RAB3GAP2: variants seen among roughly 807,000 people sequenced by gnomAD.
RAB3GAP2 encodes the protein rab3 GTPase-activating protein non-catalytic subunit.
In RAB3GAP2, 87 loss-of-function variants were observed where a neutral mutation model predicts 185.3. That is an observed-to-expected ratio of 0.47 (90% confidence interval 0.39 to 0.56). The LOEUF (loss-of-function observed/expected upper bound fraction) is 0.56. Among genes scored for constraint, RAB3GAP2 ranks in the 20% least tolerant of loss-of-function variants. The probability of loss-of-function intolerance (pLI) is 0.00; values close to 1 mark genes in which losing one functional copy is unlikely to be tolerated. For missense variants in RAB3GAP2, 1,492 were observed against 1,638.2 expected (o/e 0.91, Z 1.54); for synonymous variants, 554 against 576.1 (o/e 0.96, Z 0.55).
chr1:220,214,975 T>TATATATAC lies in RAB3GAP2; in HGVS notation c.181-997_181-996insGTATATAT, dbSNP rs1360144410. The stretch of plus-strand genomic sequence containing the variant: ...ATATATATATATATATATATATATA[T>TATATATAC]ACTTCTATACTTTGCTTTTTTCTCT... On this transcript the variant is annotated intron_variant, in intron 2 of 34. Coordinates refer to ENST00000358951, the MANE Select transcript of RAB3GAP2 (RefSeq NM_012414.4). Among the ~76,000 whole-genome samples the TATATATAC allele has an allele frequency of 2.1e-5, 3 of 144,810 alleles. No individual in the cohort carries two copies. The Admixed American group carries it at 2.1e-4, about 10-fold the overall frequency.
At chr1:220,257,988 T>A (rs1660061797) in intron 1 of RAB3GAP2, among the ~76,000 whole-genome samples, 1 of 151,404 alleles carries the variant, frequency 6.6e-6, no homozygotes, top group Non-Finnish European at 1.5e-5. Flanking sequence ...AGGTAGAAAA[T>A]CTATAAAAAA....
chr1:220,249,412 C>T (rs962819513), intron 1 of RAB3GAP2, among the ~76,000 whole-genome samples: 7 of 152,092 alleles, frequency 4.6e-5, no homozygotes, highest in African/African-American at 1.7e-4. Context: ...TTGCCCCTGC[C>T]CTAGAGGTTG....
rs771042152 is a variant in RAB3GAP2, at chr1:220,190,479, A to T, written c.1529T>A (p.Val510Asp). The change falls in exon 15 of 35, where the codon GTT becomes GAT. Residue 510 changes from valine to aspartate, a missense_variant. This residue lies in a region of RAB3GAP2 where 681 missense variants were observed against 689.1 expected (regional missense o/e 0.99). Transcript: ENST00000358951. ...CTGTGGCTGCCAACTCTGACTGGTA[A>T]CATTATTTAAACCCATTATTTTATA... is the stretch of plus-strand genomic sequence containing the variant. ...PGYKIMGLNNVTSQSWQPQTY... is the reference protein window; with the variant it reads ...PGYKIMGLNNDTSQSWQPQTY... The T allele has an allele frequency of 5.6e-6, 9 of 1,608,262 alleles. No homozygotes were observed. The South Asian group carries it at 7.7e-5, about 14-fold the overall frequency.
chr1:220,248,253 TCA>T (rs1659856581), intron 1 of RAB3GAP2, among the ~76,000 whole-genome samples: 1 of 152,174 alleles, frequency 6.6e-6, no homozygotes. Context: ...GTAAAAGTTT[TCA>T]GTTACAAGAT....
rs1052278079 is a variant in RAB3GAP2, at chr1:220,148,949, G to A, written c.*2302C>T. ...TGCATATTTAATGTTTGTTAATGAAGAAAGTTGTGTGAGGGTGGGCATATA... is the reference window on the plus strand; with the variant it reads ...TGCATATTTAATGTTTGTTAATGAAAAAAGTTGTGTGAGGGTGGGCATATA... On this transcript the variant is annotated 3_prime_UTR_variant, in exon 35 of 35. Coordinates refer to ENST00000358951, the MANE Select transcript of RAB3GAP2 (RefSeq NM_012414.4). 1.3e-5 allele frequency: 2 copies of A among 152,102 alleles called. No individual in the cohort carries two copies. Among genetic ancestry groups the A allele is most frequent in the Admixed American group, 6.5e-5 (1 of 15,270 alleles). The allele number at this position is 152,102 out of a possible 1,614,324, so 9.4% of individuals were successfully genotyped here.
chr1:220,214,077 A>G, intron 2 of RAB3GAP2, 98 bp from the exon 3 acceptor site: 2 of 1,199,300 alleles, frequency 1.7e-6, no homozygotes, highest in Non-Finnish European at 2.4e-6. Flanking sequence ...AAAAAAAAGA[A>G]AAGGAAATAT....
In RAB3GAP2 at chr1:220,253,700, T is replaced by C. The variant is rs1041814857; in HGVS notation, c.115+18523A>G. 1.9e-5 allele frequency: 30 copies of C among 1,608,772 alleles called. No individual in the cohort carries two copies. In the African/African-American group the frequency reaches 2.1e-4, roughly 11 times the overall value. ...AAGGACAAACAAGTGAAATACTTCATACATTACAGTGGTTGGAATAAAAAT... is the reference window on the plus strand; with the variant it reads ...AAGGACAAACAAGTGAAATACTTCACACATTACAGTGGTTGGAATAAAAAT... On this transcript the variant is annotated intron_variant, in intron 1 of 34. Transcript: ENST00000358951.
At chr1:220,200,923 C>A (rs1383384745) in intron 9 of RAB3GAP2, among the ~76,000 whole-genome samples, 1 of 152,122 alleles carries the variant, frequency 6.6e-6, no homozygotes. Context: ...GGCATTCTAG[C>A]CCACATGCAC....
intron 1 of RAB3GAP2, among the ~76,000 whole-genome samples, chr1:220,256,467 G>A (rs984871347): frequency 2.6e-5 from 4 of 152,086 alleles, no homozygotes; most frequent in Non-Finnish European, 5.9e-5. Context: ...ATGTCAAGCT[G>A]GATAAAGACG....
At chr1:220,195,669 A>G (rs146501179) in intron 10 of RAB3GAP2, among the ~76,000 whole-genome samples, 309 of 152,308 alleles carry the variant, frequency 2.0e-3, no homozygotes, top group African/African-American at 6.7e-3. Flanking sequence ...AGATTACATT[A>G]TTCTAGCTGG....
At chr1:220,269,949 C>T (rs966659225) in intron 1 of RAB3GAP2, among the ~76,000 whole-genome samples, 3 of 152,132 alleles carry the variant, frequency 2.0e-5, no homozygotes, top group African/African-American at 4.8e-5. Flanking sequence ...TACAATCCTG[C>T]ATCTGCTATC....
Position 220,190,429 on chromosome 1 carries a change from G to T in RAB3GAP2, c.1579C>A (p.Pro527Thr). 6 of 1,614,050 alleles carry T rather than the reference G, an allele frequency of 3.7e-6. No individual in the cohort carries two copies. Among genetic ancestry groups the T allele is most frequent in the Non-Finnish European group, 4.2e-6 (5 of 1,179,956 alleles). The change falls in exon 15 of 35, where the codon CCA becomes ACA. Residue 527 changes from proline (P) to threonine (T), a missense_variant. By Grantham distance (38) the Pro-to-Thr change is conservative. Coordinates refer to ENST00000358951, the MANE Select transcript of RAB3GAP2 (RefSeq NM_012414.4). ...ACTGTTTTCACACTTCCAGACACTG[G>T]ATCAACCAGACAGATCTGATAAGTC... ...PQTYQICLVD[P>T]VSGSVKTVNV... is the part of the protein sequence containing the mutation.
chr1:220,168,290 C>T (rs1394059563), intron 24 of RAB3GAP2, among the ~76,000 whole-genome samples: 1 of 152,078 alleles, frequency 6.6e-6, no homozygotes, highest in Non-Finnish European at 1.5e-5. Flanking sequence ...TGGGGTTTCG[C>T]CATGTTGGCG....
chr1:220,233,237 G>T (rs563211416), intron 1 of RAB3GAP2, among the ~76,000 whole-genome samples: 2 of 150,998 alleles, frequency 1.3e-5, no homozygotes, highest in African/African-American at 4.9e-5. Context: ...AAATATACAC[G>T]GTGATAAAAA....
chr1:220,227,197 AT>A (rs1320136593), intron 2 of RAB3GAP2, among the ~76,000 whole-genome samples: 1 of 152,246 alleles, frequency 6.6e-6, no homozygotes, highest in East Asian at 1.9e-4. Flanking sequence ...CACAGAAACT[AT>A]TTAAAGCTCC....
At chr1:220,194,500 C>A (rs1255875597) in intron 12 of RAB3GAP2, among the ~76,000 whole-genome samples, 1 of 152,064 alleles carries the variant, frequency 6.6e-6, no homozygotes, top group East Asian at 1.9e-4. Flanking sequence ...TTGAGCAATT[C>A]TCCTGCCTCA....
At chr1:220,198,739 GTTA>G (rs1293990075) in intron 9 of RAB3GAP2, among the ~76,000 whole-genome samples, 1 of 151,938 alleles carries the variant, frequency 6.6e-6, no homozygotes, top group African/African-American at 2.4e-5. Context: ...TTTTTCTGGA[GTTA>G]TTATTACCTT....
intron 27 of RAB3GAP2, among the ~76,000 whole-genome samples, chr1:220,163,243 C>T (rs573508598): frequency 6.6e-6 from 1 of 152,122 alleles, no homozygotes; most frequent in Non-Finnish European, 1.5e-5. Flanking sequence ...GTAGCTGAGT[C>T]TGTCTATGAG....
chr1:220,217,850 A>C (rs1406806511), intron 2 of RAB3GAP2, among the ~76,000 whole-genome samples: 1 of 152,224 alleles, frequency 6.6e-6, no homozygotes, highest in Non-Finnish European at 1.5e-5. Context: ...TTAAAGAGAT[A>C]TAAGAACAGA....
Sources: allele counts gnomAD v4.1 joint callset (sites outside exome capture counted in the v4.1 genomes callset), GRCh38; gene constraint gnomAD v4.1.1; regional missense constraint gnomAD v4.1.1; transcripts MANE v1.5; gene names NCBI Gene and HGNC (gene_info 2026-07-23, HGNC 2026-07-21).